Variants in ADAMTS12 observed in about 807,000 individuals in gnomAD.
The protein encoded by ADAMTS12 is A disintegrin and metalloproteinase with thrombospondin motifs 12.
ADAMTS12 carries 118 observed loss-of-function variants against 167.8 expected under a neutral mutation model. That is an observed-to-expected ratio of 0.70 (90% CI 0.61 to 0.82). The LOEUF (loss-of-function observed/expected upper bound fraction) is 0.82. Among genes scored for constraint, ADAMTS12 ranks in the 40% least tolerant of loss-of-function variants. The probability of loss-of-function intolerance (pLI) is 0.00; values close to 1 mark genes in which losing one functional copy is unlikely to be tolerated. For missense variants in ADAMTS12, 1,916 were observed against 1,998.8 expected (o/e 0.96, Z 0.79); for synonymous variants, 704 against 716.9 (o/e 0.98, Z 0.29).
At chr5:33,790,437 C>T (rs182090684) in intron 2 of ADAMTS12, among the ~76,000 whole-genome samples, 22 of 151,972 alleles carry the variant, frequency 1.4e-4, no homozygotes, top group Admixed American at 1.2e-3. Context: ...CCTGTAGTCC[C>T]AGCTATTCGG....
At chr5:33,702,867 G>A (rs928800451) in intron 3 of ADAMTS12, among the ~76,000 whole-genome samples, 6 of 152,118 alleles carry the variant, frequency 3.9e-5, no homozygotes, top group Admixed American at 2.0e-4. Context: ...TTGGCATTAG[G>A]CAGCCAGAAA....
chr5:33,616,780 G>A (rs181846221), intron 14 of ADAMTS12, among the ~76,000 whole-genome samples: 2 of 152,194 alleles, frequency 1.3e-5, no homozygotes, highest in Admixed American at 1.3e-4. Flanking sequence ...AAGCATCATA[G>A]GTTGACATTT....
chr5:33,835,752 T>C (rs1748483519), intron 2 of ADAMTS12, among the ~76,000 whole-genome samples: 1 of 152,108 alleles, frequency 6.6e-6, no homozygotes, highest in Non-Finnish European at 1.5e-5. Context: ...GACACAAACA[T>C]ACAGACCGTA....
chr5:33,798,215 G>A lies in ADAMTS12; in HGVS notation c.490-46667C>T, dbSNP rs891021136. ...TTTTTTTTTTTAATTTCCAAGGGTA[G>A]TATATTAGTCTTTTAGGGCTGCCAT... On this transcript the variant is annotated intron_variant, in intron 2 of 23. Transcript: ENST00000504830. Among the ~76,000 whole-genome samples, 9 of 150,890 alleles carry A rather than the reference G, an allele frequency of 6.0e-5. No individual in the cohort carries two copies. The East Asian group carries it at 1.7e-3, about 29-fold the overall frequency.
intron 7 of ADAMTS12, among the ~76,000 whole-genome samples, chr5:33,652,480 T>C (rs1002920531): frequency 2.6e-5 from 4 of 152,106 alleles, no homozygotes; most frequent in African/African-American, 9.7e-5. Context: ...TGGGGTTGTT[T>C]ATTTTTTCTT....
intron 3 of ADAMTS12, among the ~76,000 whole-genome samples, chr5:33,696,900 T>C (rs1381957952): frequency 6.6e-6 from 1 of 152,238 alleles, no homozygotes; most frequent in Non-Finnish European, 1.5e-5. Flanking sequence ...ATATGGTCAA[T>C]GTGAAATGCT....
intron 3 of ADAMTS12, among the ~76,000 whole-genome samples, chr5:33,688,246 AT>A (rs1381199239): frequency 6.6e-6 from 1 of 152,176 alleles, no homozygotes; most frequent in Non-Finnish European, 1.5e-5. Flanking sequence ...GACTTTTTTC[AT>A]TTAAGGAATT....
intron 2 of ADAMTS12, among the ~76,000 whole-genome samples, chr5:33,793,140 C>T (rs1414496367): frequency 6.6e-6 from 1 of 152,222 alleles, no homozygotes; most frequent in Non-Finnish European, 1.5e-5. Context: ...TTACGGCTAT[C>T]CAATTTATCT....
chr5:33,669,291 T>C (rs916512799), intron 5 of ADAMTS12, among the ~76,000 whole-genome samples: 2 of 152,200 alleles, frequency 1.3e-5, no homozygotes, highest in African/African-American at 4.8e-5. Flanking sequence ...TTTCTTTTGT[T>C]CGTTGTAATG....
At chr5:33,575,464 T>A (rs34603535) in intron 19 of ADAMTS12, among the ~76,000 whole-genome samples, 3,944 of 152,276 alleles carry the variant, frequency 0.026, 109 homozygotes, top group East Asian at 0.11. Flanking sequence ...GAATTCGACA[T>A]AATCACACAG....
At chr5:33,815,021 C>A (rs1747594813) in intron 2 of ADAMTS12, among the ~76,000 whole-genome samples, 1 of 152,142 alleles carries the variant, frequency 6.6e-6, no homozygotes, top group Non-Finnish European at 1.5e-5. Flanking sequence ...GTTGCCAACT[C>A]AGGTGCTGGG....
chr5:33,856,509 C>T (rs770784986), intron 2 of ADAMTS12, among the ~76,000 whole-genome samples: 21 of 152,024 alleles, frequency 1.4e-4, no homozygotes, highest in Non-Finnish European at 2.8e-4. Flanking sequence ...TTAATCCCAG[C>T]CATTTGGGAG....
chr5:33,857,609 C>T (rs538167412), intron 2 of ADAMTS12, among the ~76,000 whole-genome samples: 5 of 152,124 alleles, frequency 3.3e-5, no homozygotes, highest in African/African-American at 1.2e-4. Context: ...AACTGAAGCT[C>T]CAAAGCAAAG....
chr5:33,885,494 A>T (rs1014068220), intron 1 of ADAMTS12, among the ~76,000 whole-genome samples: 7 of 152,194 alleles, frequency 4.6e-5, no homozygotes, highest in Non-Finnish European at 7.3e-5. Flanking sequence ...AAATAATAAA[A>T]AAAAATTGTA....
intron 2 of ADAMTS12, among the ~76,000 whole-genome samples, chr5:33,780,099 T>C (rs2112440003): frequency 6.6e-6 from 1 of 152,312 alleles, no homozygotes; most frequent in Non-Finnish European, 1.5e-5. Flanking sequence ...ATATATACAA[T>C]GTTTATTTGT....
intron 12 of ADAMTS12, among the ~76,000 whole-genome samples, chr5:33,631,537 C>T (rs942159316): frequency 2.0e-5 from 3 of 152,132 alleles, no homozygotes; most frequent in African/African-American, 7.2e-5. Flanking sequence ...CATCTTGGTC[C>T]TACACTGAAT....
At chr5:33,810,807 G>A (rs1458537329) in intron 2 of ADAMTS12, among the ~76,000 whole-genome samples, 1 of 152,126 alleles carries the variant, frequency 6.6e-6, no homozygotes, top group East Asian at 1.9e-4. Context: ...CTCAACAATG[G>A]CCCCTGGAGA....
At position 33,555,406 on chromosome 5, in the gene ADAMTS12, C is replaced by T. The variant is rs544459050; in HGVS notation, c.4125+5621G>A. On this transcript the variant is annotated intron_variant, in intron 20 of 23. Transcript: ENST00000504830. ...ACTACAGGCATGTGCTGTACCAAGC[C>T]GGGCTAAGTTTTTTTGTATTTTCAG... Among the ~76,000 whole-genome samples, 20 of 152,168 alleles carry T rather than the reference C, an allele frequency of 1.3e-4. No individual in the cohort carries two copies. The South Asian group carries it at 2.1e-3, about 16-fold the overall frequency.
chr5:33,783,558 C>G (rs1282685367), intron 2 of ADAMTS12, among the ~76,000 whole-genome samples: 1 of 151,694 alleles, frequency 6.6e-6, no homozygotes, highest in African/African-American at 2.4e-5. Context: ...ACTATCTGCC[C>G]CGCAGAAATT....
Sources: allele counts gnomAD v4.1 joint callset (sites outside exome capture counted in the v4.1 genomes callset), GRCh38; gene constraint gnomAD v4.1.1; transcripts MANE v1.5; gene names NCBI Gene and HGNC (gene_info 2026-07-23, HGNC 2026-07-21).